TRMT10B: variants seen among roughly 807,000 people sequenced by gnomAD.
TRMT10B encodes the protein tRNA methyltransferase 10 homolog B.
Under a neutral mutation model 43.8 loss-of-function variants are expected in TRMT10B, and 33 were observed. The ratio of observed to expected loss-of-function variants is 0.75; its 90% CI spans 0.57 to 1.01. The LOEUF (loss-of-function observed/expected upper bound fraction) is 1.01. Among genes scored for constraint, TRMT10B ranks in the 50% least tolerant of loss-of-function variants. TRMT10B has a pLI of 0.00. For missense variants in TRMT10B, 362 were observed against 369.8 expected, an observed-to-expected ratio of 0.98 and a Z score of 0.17; for synonymous variants, 137 against 130.6, an observed-to-expected ratio of 1.05 and a Z score of -0.34.
At chr9:37,767,700 G>A (rs994909000) in intron 4 of TRMT10B, among the ~76,000 whole-genome samples, 1 of 151,910 alleles carries the variant, frequency 6.6e-6, no homozygotes, top group Admixed American at 6.6e-5. Flanking sequence ...CTGAAGTTAG[G>A]AAGAAGGTAC....
chr9:37,753,429 A>G (rs151046286), upstream of TRMT10B, among the ~76,000 whole-genome samples: 3 of 152,342 alleles, frequency 2.0e-5, no homozygotes, highest in South Asian at 2.1e-4. Context: ...TGTAATGGCC[A>G]TAACTAGTTT....
At chr9:37,753,621 CA>C (rs1825209084), upstream of TRMT10B, among the ~76,000 whole-genome samples, 2 of 152,180 alleles carry the variant, frequency 1.3e-5, no homozygotes, top group Non-Finnish European at 2.9e-5. Flanking sequence ...GACGGGGAGA[CA>C]GGGGTTCAGA....
upstream of TRMT10B, among the ~76,000 whole-genome samples, chr9:37,753,302 T>C (rs1049255919): frequency 3.3e-5 from 5 of 152,234 alleles, no homozygotes; most frequent in African/African-American, 9.6e-5. Flanking sequence ...AGGTTGGAAT[T>C]TGATATTTTA....
chr9:37,753,161 C>A (rs775914607), upstream of TRMT10B, among the ~76,000 whole-genome samples: 26 of 151,970 alleles, frequency 1.7e-4, no homozygotes, highest in South Asian at 6.2e-4. Flanking sequence ...CTAGCGAGAC[C>A]ATGAACCCGC....
At chr9:37,762,160 A>G (rs749880102) in intron 2 of TRMT10B, 43 bp downstream of exon 2, 1 of 1,567,760 alleles carries the variant, frequency 6.4e-7, no homozygotes, top group Admixed American at 1.8e-5. Flanking sequence ...GAATGATGGA[A>G]TGTCTCAAGA....
In TRMT10B at chr9:37,777,616, C is replaced by G. The variant is rs199542548; in HGVS notation, c.860C>G (p.Ser287Cys). 77 of 1,613,470 alleles carry G rather than the reference C, an allele frequency of 4.8e-5. No individual in the cohort carries two copies. The highest frequency in any genetic ancestry group is 3.4e-5 in the Non-Finnish European group (40 of 1,179,634). The stretch of plus-strand genomic sequence containing the variant: ...TCTCTAACAGTGTTTGATATCCTGT[C>G]CACTTACTTAGAGACTCACAACTGG... ...LAINQVFDILSTYLETHNWPE... is the reference protein window; with the variant it reads ...LAINQVFDILCTYLETHNWPE... The change falls in exon 9 of 9, where the codon TCC becomes TGC. Residue 287 changes from serine to cysteine, a missense_variant. Transcript: ENST00000297994.
intron 5 of TRMT10B, among the ~76,000 whole-genome samples, chr9:37,768,656 T>C (rs1047980290): frequency 6.6e-6 from 1 of 152,208 alleles, no homozygotes; most frequent in Non-Finnish European, 1.5e-5. Flanking sequence ...TAGTGATACA[T>C]ATACATGCAA....
intron 3 of TRMT10B, among the ~76,000 whole-genome samples, chr9:37,762,902 G>T (rs1826518675): frequency 6.6e-6 from 1 of 150,612 alleles, no homozygotes; most frequent in African/African-American, 2.4e-5. Context: ...GGAGGCTGAG[G>T]TGGGTGGATT....
At chr9:37,760,162 C>T (rs1826170167) in intron 1 of TRMT10B, among the ~76,000 whole-genome samples, 1 of 152,142 alleles carries the variant, frequency 6.6e-6, no homozygotes, top group African/African-American at 2.4e-5. Context: ...CCCGTCTCTA[C>T]TAAAAATAAA....
intron 7 of TRMT10B, among the ~76,000 whole-genome samples, chr9:37,772,701 C>T (rs911853075): frequency 2.0e-5 from 3 of 152,096 alleles, no homozygotes; most frequent in South Asian, 2.1e-4. Flanking sequence ...AAAAGAGGTT[C>T]GTCCAGGCAC....
chr9:37,770,033 T>C lies in TRMT10B; in HGVS notation c.652+14T>C, dbSNP rs768861743. 1.2e-6 allele frequency: 2 copies of C among 1,603,618 alleles called. No homozygotes were observed. The highest frequency in any genetic ancestry group is 8.5e-7 in the Non-Finnish European group (1 of 1,170,522). ...ACTCAGAACACGGTATGTAGTTGAA[T>C]GCATGGATTCGTATAGCCCATTGTT... On this transcript the variant is annotated intron_variant, in intron 6 of 8. Transcript: ENST00000297994.
In TRMT10B at chr9:37,770,008, A is replaced by T. The variant is rs1470871468; in HGVS notation, c.641A>T (p.Asp214Val). 6.2e-7 allele frequency: 1 copy of T among 1,613,424 alleles called. No individual in the cohort carries two copies. The highest frequency in any genetic ancestry group is 8.5e-7 in the Non-Finnish European group (1 of 1,179,378). Residue 214 changes from aspartate to valine, a missense_variant, in exon 6 of 9, where the codon GAC becomes GTC. By Grantham distance (152) the Asp-to-Val change is radical (BLOSUM62 -3). Transcript: ENST00000297994. ...PLETLVYLTP[D>V]SEHALEDVDL... The stretch of plus-strand genomic sequence containing the variant: ...GAAACCCTTGTGTACCTGACTCCTG[A>T]CTCAGAACACGGTATGTAGTTGAAT...
intron 4 of TRMT10B, 77 bp downstream of exon 4, chr9:37,763,830 G>A: frequency 6.2e-7 from 1 of 1,609,834 alleles, no homozygotes; most frequent in Non-Finnish European, 8.5e-7. Flanking sequence ...CGAAGAATAT[G>A]GTCAACTCCA....
chr9:37,767,058 T>C (rs1827053530), intron 4 of TRMT10B: 1 of 152,206 alleles, frequency 6.6e-6, no homozygotes, highest in African/African-American at 2.4e-5. Flanking sequence ...TGGGCCTTAA[T>C]TTTAGGCCTT....
At chr9:37,753,486 G>A (rs2118601366), upstream of TRMT10B, among the ~76,000 whole-genome samples, 1 of 151,612 alleles carries the variant, frequency 6.6e-6, no homozygotes, top group South Asian at 2.1e-4. Context: ...GTCGGGTGCG[G>A]GCCTTAGAAT....
upstream of TRMT10B, among the ~76,000 whole-genome samples, chr9:37,753,145 C>T (rs556730785): frequency 1.1e-4 from 17 of 151,856 alleles, no homozygotes; most frequent in South Asian, 1.7e-3. Context: ...AGCTTCACTC[C>T]TGAAGCTAGC....
At chr9:37,755,197 G>C (rs1411756695) in intron 1 of TRMT10B, among the ~76,000 whole-genome samples, 1 of 151,892 alleles carries the variant, frequency 6.6e-6, no homozygotes, top group Non-Finnish European at 1.5e-5. Flanking sequence ...CGTGAACCTG[G>C]GAGGCAAAGC....
chr9:37,762,583 G>A lies in TRMT10B; in HGVS notation c.193G>A (p.Val65Ile). 1 of 1,586,706 alleles carries A rather than the reference G, an allele frequency of 6.3e-7. No individual in the cohort carries two copies. Among genetic ancestry groups the A allele is most frequent in the Non-Finnish European group, 8.6e-7 (1 of 1,166,122 alleles). The change falls in exon 3 of 9, where the codon GTC (valine) becomes ATC (isoleucine). Residue 65 changes from valine (V) to isoleucine (I), a missense_variant. Coordinates refer to ENST00000297994, the MANE Select transcript of TRMT10B (RefSeq NM_144964.4). ...TGSTAWCSKN[V>I]QRKQRHWEKI... ...GTTTTCTGGATAATATAAGAAAAAT[G>A]TCCAGAGAAAACAGAGACACTGGGA...
At chr9:37,755,265 C>G (rs903755695) in intron 1 of TRMT10B, among the ~76,000 whole-genome samples, 1 of 119,928 alleles carries the variant, frequency 8.3e-6, no homozygotes, top group Non-Finnish European at 1.8e-5. Flanking sequence ...AGTAAGACTC[C>G]GTCTTTTTTT....
Sources: allele counts gnomAD v4.1 joint callset (sites outside exome capture counted in the v4.1 genomes callset), GRCh38; gene constraint gnomAD v4.1.1; transcripts MANE v1.5; gene names NCBI Gene and HGNC (gene_info 2026-07-23, HGNC 2026-07-21).